Variants in CD300LD observed in about 807,000 individuals in gnomAD.
CD300LD encodes CD300 molecule like family member d.
In CD300LD, 18 loss-of-function variants were observed where a neutral mutation model predicts 20.3. The observed-to-expected ratio is 0.89, with a 90% CI of 0.61 to 1.32. The LOEUF (loss-of-function observed/expected upper bound fraction) is 1.32. Among genes scored for constraint, CD300LD ranks in the 40% most tolerant of loss-of-function variants. The pLI is 0.00. For synonymous variants in CD300LD, 104 were observed against 90.1 expected (o/e 1.15, Z -0.87); for missense variants, 195 against 226.6 (o/e 0.86, Z 0.90).
At chr17:74,583,370 G>A (rs367694497) in intron 2 of CD300LD, among the ~76,000 whole-genome samples, 10 of 152,310 alleles carry the variant, frequency 6.6e-5, no homozygotes, top group African/African-American at 1.2e-4. Flanking sequence ...CAAGGCATGC[G>A]AGCACAGAGG....
At chr17:74,580,226 A>G (rs991004344) in intron 3 of CD300LD, 113 bp from the exon 4 acceptor site, 61 of 719,334 alleles carry the variant, frequency 8.5e-5, no homozygotes, top group Non-Finnish European at 1.3e-4. Context: ...GTAAGCCTGG[A>G]ACCCCAGACA....
Position 74,579,943 on chromosome 17 carries a change from C to T in CD300LD, c.*59G>A, listed in dbSNP as rs1469584899. 5 of 1,079,072 alleles carry T rather than the reference C, an allele frequency of 4.6e-6. No homozygotes were observed. Among genetic ancestry groups the T allele is most frequent in the Non-Finnish European group, 5.7e-6 (4 of 706,330 alleles). The allele number at this position is 1,079,072 out of a possible 1,614,324, so 66.8% of individuals were successfully genotyped here. ...TTTTCTTCTGTGGGAGGGCCTTTCG[C>T]CCTGGACAGGACGTCAATGGGCATT... On this transcript the variant is annotated 3_prime_UTR_variant, in exon 4 of 4. Transcript: ENST00000375352.
chr17:74,590,979 G>A (rs985618675), intron 1 of CD300LD, among the ~76,000 whole-genome samples: 1 of 152,122 alleles, frequency 6.6e-6, no homozygotes, highest in Non-Finnish European at 1.5e-5. Context: ...GGAGGCTGAG[G>A]TGGGAGGATG....
intron 2 of CD300LD, among the ~76,000 whole-genome samples, chr17:74,586,055 T>C (rs997819996): frequency 6.6e-6 from 1 of 152,190 alleles, no homozygotes; most frequent in African/African-American, 2.4e-5. Context: ...CACATTTTCT[T>C]GCAAGATTAC....
At chr17:74,590,935 G>A (rs1274473442) in intron 1 of CD300LD, among the ~76,000 whole-genome samples, 1 of 151,884 alleles carries the variant, frequency 6.6e-6, no homozygotes, top group Non-Finnish European at 1.5e-5. Flanking sequence ...GCTGGGTGTC[G>A]CACCACATGC....
Position 74,580,117 on chromosome 17 carries a change from T to G in CD300LD, c.474-4A>C. 2 of 1,598,956 alleles carry G rather than the reference T, an allele frequency of 1.3e-6. No homozygotes were observed. The highest frequency in any genetic ancestry group is 1.7e-6 in the Non-Finnish European group (2 of 1,169,668). On this transcript the variant is annotated splice_region_variant and splice_polypyrimidine_tract_variant and intron_variant, in intron 3 of 3. Transcript: ENST00000375352. Reference sequence around the variant, plus strand: ...GTGGGTGCTCTTGAGCGGGGACCTGTGGGAACACGGTGACAGGAAATGAGC... The same window carrying G: ...GTGGGTGCTCTTGAGCGGGGACCTGGGGGAACACGGTGACAGGAAATGAGC...
chr17:74,587,160 A>G (rs893211415), intron 2 of CD300LD, among the ~76,000 whole-genome samples: 1 of 152,110 alleles, frequency 6.6e-6, no homozygotes, highest in African/African-American at 2.4e-5. Context: ...AAAAAAAAAA[A>G]AATTGATATT....
chr17:74,582,698 T>C (rs1250071126), intron 2 of CD300LD, among the ~76,000 whole-genome samples: 1 of 152,186 alleles, frequency 6.6e-6, no homozygotes, highest in African/African-American at 2.4e-5. Context: ...GAGCCACTTC[T>C]GGAGAGCCCC....
At chr17:74,591,906 TG>T in intron 1 of CD300LD, 2 of 897,346 alleles carry the variant, frequency 2.2e-6, no homozygotes, top group Non-Finnish European at 1.6e-6. Flanking sequence ...TCTGTTTATA[TG>T]GAACAGTCAG....
intron 2 of CD300LD, among the ~76,000 whole-genome samples, chr17:74,584,491 G>A (rs910749236): frequency 5.3e-5 from 8 of 152,218 alleles, no homozygotes; most frequent in South Asian, 2.1e-4. Flanking sequence ...TCTGCTGCCC[G>A]AAGGGGTGCT....
intron 1 of CD300LD, among the ~76,000 whole-genome samples, chr17:74,591,268 A>AAATAATAATAATAAT (rs58060319): frequency 0.034 from 4,847 of 142,334 alleles, 138 homozygotes; most frequent in African/African-American, 0.071. Flanking sequence ...AAAAAAATAA[A>AAATAATAATAATAAT]AATAATAATA....
At position 74,583,083 on chromosome 17, in the gene CD300LD, C is replaced by T. The variant is rs573173968; in HGVS notation, c.380-772G>A. Among the ~76,000 whole-genome samples the T allele has an allele frequency of 3.9e-4, 59 of 152,208 alleles. 1 individual carries two copies. The highest frequency in any genetic ancestry group is 1.2e-3 in the Admixed American group (18 of 15,294). ...TTAAACTCTGATGTATGTGTATACC[C>T]GGTAACACCACCACCATGATCAGGA... is the stretch of plus-strand genomic sequence containing the variant. On this transcript the variant is annotated intron_variant, in intron 2 of 3. Coordinates refer to ENST00000375352, the MANE Select transcript of CD300LD (RefSeq NM_001115152.2).
chr17:74,588,911 G>A (rs1029153846), intron 1 of CD300LD, 62 bp from the exon 2 acceptor site: 33 of 1,222,200 alleles, frequency 2.7e-5, no homozygotes, highest in Middle Eastern at 2.0e-4. Flanking sequence ...ACAGCCTCGT[G>A]CATTGGGAGT....
At chr17:74,581,678 G>T (rs1218695156) in intron 3 of CD300LD, among the ~76,000 whole-genome samples, 1 of 152,236 alleles carries the variant, frequency 6.6e-6, no homozygotes, top group Non-Finnish European at 1.5e-5. Context: ...TGAGAGAGGT[G>T]TCTCTCCTAA....
intron 3 of CD300LD, among the ~76,000 whole-genome samples, chr17:74,580,414 CT>C (rs1160770999): frequency 6.6e-6 from 1 of 152,246 alleles, no homozygotes; most frequent in Non-Finnish European, 1.5e-5. Context: ...TTAGCATTCC[CT>C]GTCTCTACTT....
rs1458615936 is a variant in CD300LD at position 74,579,375 on chromosome 17, A to G, written c.*627T>C. 1 of 151,914 alleles carries G rather than the reference A, an allele frequency of 6.6e-6. No homozygotes were observed. Among genetic ancestry groups the G allele is most frequent in the Non-Finnish European group, 1.5e-5 (1 of 67,998 alleles). The allele number at this position is 151,914 out of a possible 1,614,324, so 9.4% of individuals were successfully genotyped here. On this transcript the variant is annotated 3_prime_UTR_variant, in exon 4 of 4. Coordinates refer to ENST00000375352, the MANE Select transcript of CD300LD (RefSeq NM_001115152.2). ...AGACCTGAGATCACGAATGTCCACT[A>G]CGGCATAGGTGCCTCTCGGGGGAAA... is the stretch of plus-strand genomic sequence containing the variant.
rs1421248866 is a variant in CD300LD at position 74,582,267 on chromosome 17, G to A, written c.424C>T (p.Leu142=). ...VSEWTTTTAS[L]AFTAAATQKT... is the part of the protein sequence containing the mutation. Reference sequence around the variant, plus strand: ...TGGGTGGCTGCAGCTGTGAAAGCCAGGCTTGCTGTTGTGGTTGTCCATTCT... The same window carrying A: ...TGGGTGGCTGCAGCTGTGAAAGCCAAGCTTGCTGTTGTGGTTGTCCATTCT... Residue 142 remains leucine (L), a synonymous_variant, in exon 3 of 4, where the codon CTG becomes TTG. Transcript: ENST00000375352. 3 of 1,613,890 alleles carry A rather than the reference G, an allele frequency of 1.9e-6. No homozygotes were observed. The highest frequency in any genetic ancestry group is 8.5e-7 in the Non-Finnish European group (1 of 1,179,844).
At chr17:74,585,902 AT>A (rs781769853) in intron 2 of CD300LD, among the ~76,000 whole-genome samples, 8 of 152,182 alleles carry the variant, frequency 5.3e-5, no homozygotes, top group Non-Finnish European at 1.0e-4. Flanking sequence ...AATCGTCCTT[AT>A]TCAGACCTGG....
chr17:74,585,886 T>C lies in CD300LD; in HGVS notation c.379+2625A>G, dbSNP rs149637197. 3.9e-3 allele frequency among the ~76,000 whole-genome samples: 590 copies of C among 152,272 alleles called. 6 individuals carry two copies. Among genetic ancestry groups the C allele is most frequent in the African/African-American group, 0.013 (555 of 41,544 alleles). On this transcript the variant is annotated intron_variant, in intron 2 of 3. Transcript: ENST00000375352. ...CGGAGACATTACAGAGGATATGCTG[T>C]TAGGTAATCGTCCTTATTCAGACCT...
Sources: allele counts gnomAD v4.1 joint callset (sites outside exome capture counted in the v4.1 genomes callset), GRCh38; gene constraint gnomAD v4.1.1; transcripts MANE v1.5; gene names NCBI Gene and HGNC (gene_info 2026-07-23, HGNC 2026-07-21).